DNMBP: variants seen among roughly 807,000 people sequenced by gnomAD.
The protein encoded by DNMBP is dynamin-binding protein.
Under a neutral mutation model 150.0 loss-of-function variants are expected in DNMBP, and 87 were observed. That is an observed-to-expected ratio of 0.58 (90% CI 0.49 to 0.69). The LOEUF (loss-of-function observed/expected upper bound fraction) is 0.69, where lower values mean the gene tolerates loss of function less well. DNMBP is among the 30% of genes least tolerant of loss of function. The probability of loss-of-function intolerance (pLI) is 0.00; values close to 1 mark genes in which losing one functional copy is unlikely to be tolerated. For synonymous variants in DNMBP, 711 were observed against 750.4 expected (o/e 0.95, Z 0.86); for missense variants, 1,774 against 1,949.0 (o/e 0.91, Z 1.69).
At chr10:99,883,878 T>A in intron 15 of DNMBP, 133 bp downstream of exon 15, 1 of 754,080 alleles carries the variant, frequency 1.3e-6, no homozygotes, top group Non-Finnish European at 2.1e-6. Context: ...GTTAAGGTTA[T>A]TTTTCAGGTT....
At chr10:99,967,849 CT>C in intron 3 of DNMBP, among the ~76,000 whole-genome samples, 1 of 152,164 alleles carries the variant, frequency 6.6e-6, no homozygotes, top group East Asian at 1.9e-4. Flanking sequence ...AAGCTTCTGT[CT>C]TTTAGACACT....
intron 1 of DNMBP, among the ~76,000 whole-genome samples, chr10:99,979,130 C>T (rs1370420101): frequency 6.6e-6 from 1 of 152,178 alleles, no homozygotes; most frequent in African/African-American, 2.4e-5. Flanking sequence ...AACCAAAGCC[C>T]TATGCAAACT....
intron 1 of DNMBP, among the ~76,000 whole-genome samples, chr10:100,009,062 T>C (rs564645831): frequency 6.6e-6 from 1 of 152,362 alleles, no homozygotes; most frequent in South Asian, 2.1e-4. Context: ...AAGTTACCCA[T>C]ATTCCAGAAT....
chr10:99,906,911 G>A (rs2039833187), intron 6 of DNMBP, among the ~76,000 whole-genome samples: 1 of 152,116 alleles, frequency 6.6e-6, no homozygotes, highest in Admixed American at 6.6e-5. Flanking sequence ...TAACCAATAA[G>A]TTCCCTTGTT....
chr10:100,007,559 C>CCTG (rs147330861), intron 1 of DNMBP, among the ~76,000 whole-genome samples: 2,840 of 152,228 alleles, frequency 0.019, 89 homozygotes, highest in African/African-American at 0.063. Flanking sequence ...GCCCTATGTG[C>CCTG]CTGCCCTCAA....
rs1431313479 is a variant in DNMBP, at chr10:99,909,043, G to T, written c.2364C>A (p.Val788=). 11 of 1,614,024 alleles carry T rather than the reference G, an allele frequency of 6.8e-6. No homozygotes were observed. Among genetic ancestry groups the T allele is most frequent in the Admixed American group, 5.0e-5 (3 of 59,988 alleles). ...EQRMLEKRAK[V]IEELLQTERD... ...TTTCTGTCTGAAGAAGTTCTTCTAT[G>T]ACCTTGGCTCTCTTCTCCAGCATCC... The change falls in exon 5 of 17, where the codon GTC becomes GTA. Residue 788 remains valine (V), a synonymous_variant. Coordinates refer to ENST00000324109, the MANE Select transcript of DNMBP (RefSeq NM_015221.4).
intron 4 of DNMBP, among the ~76,000 whole-genome samples, chr10:99,912,294 C>A (rs566980138): frequency 9.3e-4 from 142 of 152,260 alleles, no homozygotes; most frequent in African/African-American, 3.3e-3. Flanking sequence ...ATCTTAAAAA[C>A]TCCCTGGAAA....
At chr10:99,951,534 G>A (rs1050699371) in intron 4 of DNMBP, among the ~76,000 whole-genome samples, 14 of 152,182 alleles carry the variant, frequency 9.2e-5, no homozygotes, top group East Asian at 1.9e-4. Flanking sequence ...GGGCAGAGCC[G>A]CCCAACACCA....
intron 3 of DNMBP, among the ~76,000 whole-genome samples, chr10:99,961,757 C>T (rs1163789863): frequency 3.3e-5 from 5 of 151,610 alleles, no homozygotes; most frequent in African/African-American, 7.3e-5. Flanking sequence ...GAGCCTACTG[C>T]TAATGGCTTC....
Position 99,928,435 on chromosome 10 carries a change from T to C in DNMBP, c.2261-19289A>G, listed in dbSNP as rs985854200. ...TAACCTTTATCCTCTGGTCACAGCC[T>C]GGACCCCAAAATTGGCCAGAACCAG... On this transcript the variant is annotated intron_variant, in intron 4 of 16. Coordinates refer to ENST00000324109, the MANE Select transcript of DNMBP (RefSeq NM_015221.4). Among the ~76,000 whole-genome samples, 7 of 152,204 alleles carry C rather than the reference T, an allele frequency of 4.6e-5. No homozygotes were observed. In the South Asian group the frequency reaches 1.4e-3, roughly 32 times the overall value.
At position 99,884,032 on chromosome 10, in the gene DNMBP, G is replaced by A. The variant is rs138512003; in HGVS notation, c.3976C>T (p.Arg1326Cys). ...KKKDPMGSQN[R>C]WLIDNGVTKG... ...TTACCTCCATTGTCAATCAGCCAGCGGTTCTGGCTGCCCATGGGGTCTTTT... is the reference window on the plus strand; with the variant it reads ...TTACCTCCATTGTCAATCAGCCAGCAGTTCTGGCTGCCCATGGGGTCTTTT... Residue 1326 changes from arginine to cysteine, a missense_variant, in exon 15 of 17, where the codon CGC (arginine) becomes TGC (cysteine). Coordinates refer to ENST00000324109, the MANE Select transcript of DNMBP (RefSeq NM_015221.4). 3.0e-5 allele frequency: 49 copies of A among 1,613,708 alleles called. No homozygotes were observed. The highest frequency in any genetic ancestry group is 1.3e-4 in the Admixed American group (8 of 59,960).
chr10:99,966,235 A>G (rs2040617905), intron 3 of DNMBP, among the ~76,000 whole-genome samples: 1 of 152,164 alleles, frequency 6.6e-6, no homozygotes, highest in Non-Finnish European at 1.5e-5. Flanking sequence ...GTTTACTGGC[A>G]GTAGATTATC....
chr10:99,937,977 G>A (rs558068941), intron 4 of DNMBP, among the ~76,000 whole-genome samples: 1 of 152,300 alleles, frequency 6.6e-6, no homozygotes, highest in African/African-American at 2.4e-5. Flanking sequence ...CTAATAACCA[G>A]TTTTCAGGTA....
intron 4 of DNMBP, among the ~76,000 whole-genome samples, chr10:99,912,538 CCAAA>C (rs1426171803): frequency 9.2e-5 from 14 of 152,270 alleles, no homozygotes; most frequent in African/African-American, 1.7e-4. Context: ...CTTTAAAAAC[CCAAA>C]CACTTTGGTG....
At chr10:99,951,504 T>C (rs1300616854) in intron 4 of DNMBP, among the ~76,000 whole-genome samples, 1 of 152,202 alleles carries the variant, frequency 6.6e-6, no homozygotes, top group Non-Finnish European at 1.5e-5. Context: ...GGAGGGAGGC[T>C]GTACCCTGGA....
intron 11 of DNMBP, among the ~76,000 whole-genome samples, chr10:99,894,373 T>A (rs1266408534): frequency 1.3e-5 from 2 of 152,238 alleles, no homozygotes; most frequent in Non-Finnish European, 2.9e-5. Context: ...GTGCTGGTTC[T>A]GACCTCAGGG....
intron 1 of DNMBP, among the ~76,000 whole-genome samples, chr10:99,979,178 G>A (rs2040759420): frequency 6.6e-6 from 1 of 152,136 alleles, no homozygotes; most frequent in Admixed American, 6.5e-5. Flanking sequence ...ATCATTTGAT[G>A]ACCCTTCACC....
At chr10:99,910,714 T>C (rs978437478) in intron 4 of DNMBP, among the ~76,000 whole-genome samples, 2 of 152,080 alleles carry the variant, frequency 1.3e-5, no homozygotes, top group Non-Finnish European at 2.9e-5. Flanking sequence ...CTCAACAACA[T>C]GGTGGGGATA....
At chr10:99,930,340 A>C (rs763615789) in intron 4 of DNMBP, 10 of 703,032 alleles carry the variant, frequency 1.4e-5, no homozygotes, top group Admixed American at 1.2e-4. Context: ...AGATTCTTAC[A>C]GTCTGAGTAG....
Sources: allele counts gnomAD v4.1 joint callset (sites outside exome capture counted in the v4.1 genomes callset), GRCh38; gene constraint gnomAD v4.1.1; transcripts MANE v1.5; gene names NCBI Gene and HGNC (gene_info 2026-07-23, HGNC 2026-07-21).